Variants in ADRA1A observed in about 807,000 individuals in gnomAD.
The protein encoded by ADRA1A is alpha-1A adrenergic receptor.
In ADRA1A, 31 loss-of-function variants were observed where a neutral mutation model predicts 29.6. The ratio of observed to expected loss-of-function variants is 1.05; its 90% CI spans 0.79 to 1.41. The LOEUF (loss-of-function observed/expected upper bound fraction) is 1.41. ADRA1A is among the 40% of genes most tolerant of loss of function. The pLI is 0.00. For synonymous variants in ADRA1A, 311 were observed against 254.3 expected, an observed-to-expected ratio of 1.22 and a Z score of -2.12; for missense variants, 619 against 601.1, an observed-to-expected ratio of 1.03 and a Z score of -0.31.
downstream of ADRA1A, among the ~76,000 whole-genome samples, chr8:26,767,404 A>C (rs769526470): frequency 6.6e-6 from 1 of 152,130 alleles, no homozygotes; most frequent in Non-Finnish European, 1.5e-5. Flanking sequence ...AAGTAATTCA[A>C]CTCATATATT....
intron 2 of ADRA1A, among the ~76,000 whole-genome samples, chr8:26,772,406 T>G (rs1806235738): frequency 6.6e-6 from 1 of 152,208 alleles, no homozygotes; most frequent in Admixed American, 6.5e-5. Context: ...TCCACCTCCT[T>G]TCTTTTCTTT....
At position 26,770,416 on chromosome 8, in the gene ADRA1A, G is replaced by A. The variant is rs750303232; in HGVS notation, c.1134C>T (p.Pro378=). The A allele has an allele frequency of 5.2e-5, 84 of 1,614,198 alleles. No individual in the cohort carries two copies. The highest frequency in any genetic ancestry group is 1.8e-4 in the South Asian group (16 of 91,082). ...EGQHKDMVRI[P]VGSRETFYRI... Reference sequence around the variant, plus strand: ...TGTAGAAGGTCTCTCTTGATCCCACGGGGATGCGCACCATGTCCTTGTGTT... The same window carrying A: ...TGTAGAAGGTCTCTCTTGATCCCACAGGGATGCGCACCATGTCCTTGTGTT... Residue 378 remains proline, a synonymous_variant, in exon 3 of 3, where the codon CCC becomes CCT. Transcript: ENST00000380573.
Position 26,864,244 on chromosome 8 carries a change from CG to C in ADRA1A, c.725del (p.Pro242ArgfsTer18). 1 of 1,614,196 alleles carries C rather than the reference CG, an allele frequency of 6.2e-7. No homozygotes were observed. Among genetic ancestry groups the C allele is most frequent in the Non-Finnish European group, 8.5e-7 (1 of 1,180,042 alleles). On this transcript the variant is annotated frameshift_variant, in exon 2 of 3. Transcript: ENST00000380573. LOFTEE classifies it high-confidence loss of function. This position sits in a 1 kb window ranked among gnomAD's most constrained non-coding sequence, Gnocchi z 8.1. The stretch of plus-strand genomic sequence containing the variant: ...CGCTGGCCATCCCGCTGCCTCCTGC[CG>C]GGGCGTTTTTCCGATGGATGCGGAG... The part of the protein sequence containing the change: ...VTLRIHRKNA[P>X]AGGSGMASAK...
intron 2 of ADRA1A, among the ~76,000 whole-genome samples, chr8:26,781,763 C>T (rs1806997493): frequency 6.6e-6 from 1 of 152,174 alleles, no homozygotes. Context: ...AGTCCAAGGC[C>T]AAACACCACA....
chr8:26,785,932 T>C (rs930680649), intron 2 of ADRA1A, among the ~76,000 whole-genome samples: 1 of 152,142 alleles, frequency 6.6e-6, no homozygotes, highest in Non-Finnish European at 1.5e-5. Flanking sequence ...TCTCTCCATC[T>C]CCATTGTCAG....
rs560722732 is a variant in ADRA1A, at chr8:26,787,085, C to G, written c.884-16419G>C. Among the ~76,000 whole-genome samples the G allele has an allele frequency of 6.6e-6, 1 of 152,212 alleles. No individual in the cohort carries two copies. The highest frequency in any genetic ancestry group is 2.1e-4 in the South Asian group (1 of 4,816). On this transcript the variant is annotated intron_variant, in intron 2 of 2. Coordinates refer to ENST00000380573, the MANE Select transcript of ADRA1A (RefSeq NM_000680.4). This position sits in a 1 kb window ranked among gnomAD's most constrained non-coding sequence, Gnocchi z 4.2. Reference sequence around the variant, plus strand: ...GAGGCTTAAGGAGTTTAATTTGCAACTAAGGAAAATAGCTGAGCTCAGATT... The same window carrying G: ...GAGGCTTAAGGAGTTTAATTTGCAAGTAAGGAAAATAGCTGAGCTCAGATT...
rs1563298522 is a variant in ADRA1A at position 26,841,455 on chromosome 8, A to T, written c.883+22632T>A. Among the ~76,000 whole-genome samples the T allele has an allele frequency of 6.6e-6, 1 of 151,972 alleles. No individual in the cohort carries two copies. Among genetic ancestry groups the T allele is most frequent in the East Asian group, 1.9e-4 (1 of 5,184 alleles). On this transcript the variant is annotated intron_variant, in intron 2 of 2. Transcript: ENST00000380573. The surrounding 1 kb of genome is among the most constrained non-coding windows in gnomAD (Gnocchi z 4.4). ...TATCCTTTGCATTCAAATCCTCTCA[A>T]CCACTGCCTGCAGATTCCCCTCCTT...
At chr8:26,851,833 A>G (rs984876350) in intron 2 of ADRA1A, among the ~76,000 whole-genome samples, 5 of 151,706 alleles carry the variant, frequency 3.3e-5, no homozygotes, top group African/African-American at 1.2e-4. Context: ...ACTTCTCTCA[A>G]TATTTGGCAA....
Position 26,861,395 on chromosome 8 carries a change from G to A in ADRA1A, c.883+2692C>T, listed in dbSNP as rs547474893. On this transcript the variant is annotated intron_variant, in intron 2 of 2. Transcript: ENST00000380573. The stretch of plus-strand genomic sequence containing the variant: ...CGGCTCACTGCAACCTCTGCCTCCC[G>A]GGTTCAAGCGATTCTCCTGCCTCAG... Among the ~76,000 whole-genome samples the A allele has an allele frequency of 7.6e-5, 11 of 144,878 alleles. No individual in the cohort carries two copies. In the South Asian group the frequency reaches 1.2e-3, roughly 15 times the overall value.
chr8:26,763,238 C>T (rs1054422077), downstream of ADRA1A, among the ~76,000 whole-genome samples: 6 of 152,266 alleles, frequency 3.9e-5, no homozygotes, highest in Middle Eastern at 3.4e-3. This position sits in a 1 kb window ranked among gnomAD's most constrained non-coding sequence, Gnocchi z 4.5. Context: ...TCCAGGAGGC[C>T]TTCCCAAGGA....
intron 2 of ADRA1A, among the ~76,000 whole-genome samples, chr8:26,776,749 G>T (rs1806576941): frequency 6.6e-6 from 1 of 152,212 alleles, no homozygotes; most frequent in South Asian, 2.1e-4. Context: ...AAGTCAGAGT[G>T]TGCTGTTCAG....
chr8:26,814,761 G>A (rs933780742), intron 2 of ADRA1A, among the ~76,000 whole-genome samples: 1 of 152,188 alleles, frequency 6.6e-6, no homozygotes, highest in African/African-American at 2.4e-5. Context: ...CTTTAGGATG[G>A]TGGAATTTTA....
chr8:26,785,346 C>A (rs6998425), intron 2 of ADRA1A, among the ~76,000 whole-genome samples: 1 of 151,866 alleles, frequency 6.6e-6, no homozygotes, highest in African/African-American at 2.4e-5. Flanking sequence ...GTTGTTGAAG[C>A]CATTTATAAT....
Position 26,819,797 on chromosome 8 carries a change from T to C in ADRA1A, c.883+44290A>G, listed in dbSNP as rs555580013. Among the ~76,000 whole-genome samples the C allele has an allele frequency of 2.6e-5, 4 of 152,164 alleles. No homozygotes were observed. The South Asian group carries it at 6.2e-4, about 24-fold the overall frequency. On this transcript the variant is annotated intron_variant, in intron 2 of 2. Coordinates refer to ENST00000380573, the MANE Select transcript of ADRA1A (RefSeq NM_000680.4). ...AATATAAATGGATTAAATTCTTCAA[T>C]AAAAAGACACAGAGCACCTGAATGG...
rs1056324167 is a variant in ADRA1A, at chr8:26,848,288, G to C, written c.883+15799C>G. On this transcript the variant is annotated intron_variant, in intron 2 of 2. Coordinates refer to ENST00000380573, the MANE Select transcript of ADRA1A (RefSeq NM_000680.4). The surrounding 1 kb of genome is among the most constrained non-coding windows in gnomAD (Gnocchi z 4.3). ...TACCACTAATATGGATGGAAAGTTT[G>C]TGTCCTCCCCAAATCCACATGTTGA... 1.3e-5 allele frequency among the ~76,000 whole-genome samples: 2 copies of C among 152,206 alleles called. No homozygotes were observed. Among genetic ancestry groups the C allele is most frequent in the African/African-American group, 4.8e-5 (2 of 41,454 alleles).
At chr8:26,861,117 G>A (rs1258963012) in intron 2 of ADRA1A, among the ~76,000 whole-genome samples, 1 of 152,012 alleles carries the variant, frequency 6.6e-6, no homozygotes, top group African/African-American at 2.4e-5. Context: ...TTGGCTCCCA[G>A]TCCTCCTCTA....
intron 2 of ADRA1A, among the ~76,000 whole-genome samples, chr8:26,814,058 GT>G (rs1809600265): frequency 6.6e-6 from 1 of 152,166 alleles, no homozygotes; most frequent in Non-Finnish European, 1.5e-5. Flanking sequence ...TAGTTGCCAA[GT>G]TTTAAAATTA....
chr8:26,762,785 G>C (rs988616606), downstream of ADRA1A, among the ~76,000 whole-genome samples: 2 of 152,160 alleles, frequency 1.3e-5, no homozygotes, highest in Admixed American at 6.5e-5. The surrounding 1 kb of genome is among the most constrained non-coding windows in gnomAD (Gnocchi z 4.0). Flanking sequence ...CCCCATCTCA[G>C]AGCTCTGCTG....
At chr8:26,752,797 C>T (rs1804974757), downstream of ADRA1A, among the ~76,000 whole-genome samples, 1 of 152,186 alleles carries the variant, frequency 6.6e-6, no homozygotes, top group Admixed American at 6.5e-5. Context: ...CTAGCAAGAT[C>T]ACTGAGAAAA....
Sources: allele counts gnomAD v4.1 joint callset (sites outside exome capture counted in the v4.1 genomes callset), GRCh38; gene constraint gnomAD v4.1.1; non-coding constraint Gnocchi (gnomAD v3.1); transcripts MANE v1.5; gene names NCBI Gene and HGNC (gene_info 2026-07-23, HGNC 2026-07-21).